The following PTPRR variants were observed in gnomAD, a reference collection of about 807,000 sequenced individuals.
PTPRR encodes the protein protein tyrosine phosphatase receptor type R, also known as receptor-type tyrosine-protein phosphatase R.
PTPRR carries 38 observed loss-of-function variants against 77.2 expected under a neutral mutation model. That is an observed-to-expected ratio of 0.49 (90% confidence interval 0.38 to 0.65). The LOEUF (loss-of-function observed/expected upper bound fraction) is 0.65, where lower values mean the gene tolerates loss of function less well. Among genes scored for constraint, PTPRR ranks in the 30% least tolerant of loss-of-function variants. The pLI is 0.00. For missense variants in PTPRR, 744 were observed against 799.2 expected, an observed-to-expected ratio of 0.93 and a Z score of 0.83; for synonymous variants, 299 against 283.1, an observed-to-expected ratio of 1.06 and a Z score of -0.57.
At chr12:70,861,061 A>C (rs1354544553) in intron 2 of PTPRR, among the ~76,000 whole-genome samples, 2 of 152,168 alleles carry the variant, frequency 1.3e-5, no homozygotes, top group East Asian at 3.9e-4. Flanking sequence ...CTAGAATTTA[A>C]TGTAGTGCTT....
chr12:70,775,310 G>C lies in PTPRR; in HGVS notation c.358-10532C>G, dbSNP rs574267784. Among the ~76,000 whole-genome samples, 8 of 152,172 alleles carry C rather than the reference G, an allele frequency of 5.3e-5. 1 individual carries two copies. In the South Asian group the frequency reaches 1.5e-3, roughly 28 times the overall value. ...CCCCACTACTGTTCCCCTCCACAAA[G>C]GAAATAATATTTTATGACAAGACTT... On this transcript the variant is annotated intron_variant, in intron 2 of 13. Transcript: ENST00000283228.
At chr12:70,679,598 AT>A (rs35076786) in intron 10 of PTPRR, among the ~76,000 whole-genome samples, 28 of 151,282 alleles carry the variant, frequency 1.9e-4, no homozygotes, top group African/African-American at 6.1e-4. Context: ...CATATTTACA[AT>A]TTTTTTTTGT....
chr12:70,877,822 AG>A (rs1331383074), intron 2 of PTPRR, among the ~76,000 whole-genome samples: 1 of 152,182 alleles, frequency 6.6e-6, no homozygotes, highest in East Asian at 1.9e-4. Context: ...ACAAAGCTGG[AG>A]GCATCACACT....
At chr12:70,737,525 T>TCTATCTATCTATCTATCTAG (rs1565674697) in intron 6 of PTPRR, among the ~76,000 whole-genome samples, 3 of 151,348 alleles carry the variant, frequency 2.0e-5, no homozygotes, top group African/African-American at 7.3e-5. Context: ...TATCTATCTA[T>TCTATCTATCTATCTATCTAG]CTATCTATCT....
At chr12:70,894,482 C>G (rs1404298558) in intron 1 of PTPRR, among the ~76,000 whole-genome samples, 1 of 151,588 alleles carries the variant, frequency 6.6e-6, no homozygotes, top group Non-Finnish European at 1.5e-5. Flanking sequence ...TTCTTAACCC[C>G]AAAGGAATCA....
intron 2 of PTPRR, chr12:70,788,783 G>A (rs1891373063): frequency 7.3e-7 from 1 of 1,367,126 alleles, no homozygotes; most frequent in African/African-American, 1.4e-5. Context: ...ATTACACCGA[G>A]GACCCTCTGC....
At chr12:70,735,555 G>C (rs1240020060) in intron 6 of PTPRR, among the ~76,000 whole-genome samples, 1 of 152,178 alleles carries the variant, frequency 6.6e-6, no homozygotes, top group African/African-American at 2.4e-5. Flanking sequence ...GGGAGCTACG[G>C]TTCAAGATGA....
At chr12:70,750,480 T>C (rs61932482) in intron 5 of PTPRR, among the ~76,000 whole-genome samples, 25,210 of 152,156 alleles carry the variant, frequency 0.17, 2,432 homozygotes, top group East Asian at 0.35. Context: ...CAAGTATCAC[T>C]GAGAAATGCA....
chr12:70,651,454 C>T (rs1886391229), intron 13 of PTPRR, among the ~76,000 whole-genome samples: 1 of 152,188 alleles, frequency 6.6e-6, no homozygotes, highest in Non-Finnish European at 1.5e-5. Context: ...TTAGCATCCT[C>T]CATAGATAGA....
chr12:70,812,962 T>G (rs1891836610), intron 2 of PTPRR, among the ~76,000 whole-genome samples: 1 of 152,228 alleles, frequency 6.6e-6, no homozygotes, highest in African/African-American at 2.4e-5. Context: ...AAATCAATTT[T>G]GAGTATCAAA....
intron 2 of PTPRR, among the ~76,000 whole-genome samples, chr12:70,767,047 C>A (rs557985533): frequency 6.6e-6 from 1 of 152,146 alleles, no homozygotes; most frequent in East Asian, 1.9e-4. Flanking sequence ...CCGGTACCAG[C>A]CACTGCAAAA....
chr12:70,786,529 A>C (rs950102190), intron 2 of PTPRR, among the ~76,000 whole-genome samples: 1 of 152,234 alleles, frequency 6.6e-6, no homozygotes, highest in Non-Finnish European at 1.5e-5. Flanking sequence ...CAATAGGAAT[A>C]GACTCTTTTG....
intron 2 of PTPRR, among the ~76,000 whole-genome samples, chr12:70,804,178 T>TGTGTGTGTG (rs1555176949): frequency 9.3e-5 from 14 of 150,856 alleles, no homozygotes; most frequent in South Asian, 2.1e-4. Context: ...TGTGTGTGTG[T>TGTGTGTGTG]TAAGGTTAAC....
chr12:70,825,504 TG>T (rs1351193391), intron 2 of PTPRR, among the ~76,000 whole-genome samples: 1 of 152,132 alleles, frequency 6.6e-6, no homozygotes, highest in Non-Finnish European at 1.5e-5. Context: ...CCACCCAAAA[TG>T]TGGATTTAGT....
chr12:70,817,690 C>T (rs1413757066), intron 2 of PTPRR, among the ~76,000 whole-genome samples: 1 of 152,086 alleles, frequency 6.6e-6, no homozygotes. Flanking sequence ...GAACACCAGG[C>T]TGTTGTTCAG....
At chr12:70,735,009 T>C (rs1889813023) in intron 6 of PTPRR, among the ~76,000 whole-genome samples, 1 of 152,138 alleles carries the variant, frequency 6.6e-6, no homozygotes, top group African/African-American at 2.4e-5. Flanking sequence ...TTTTCTTCAT[T>C]CCTGTGGGGT....
chr12:70,744,200 C>T (rs1374568147), intron 6 of PTPRR, among the ~76,000 whole-genome samples: 1 of 152,094 alleles, frequency 6.6e-6, no homozygotes, highest in Non-Finnish European at 1.5e-5. Flanking sequence ...AAAATGAGGT[C>T]CAGATGAGTG....
At chr12:70,661,490 T>C (rs1042170898) in intron 11 of PTPRR, among the ~76,000 whole-genome samples, 2 of 152,220 alleles carry the variant, frequency 1.3e-5, no homozygotes, top group African/African-American at 4.8e-5. Flanking sequence ...TATAAACATG[T>C]TAATCAATAG....
intron 2 of PTPRR, among the ~76,000 whole-genome samples, chr12:70,787,926 A>G (rs1891355938): frequency 6.6e-6 from 1 of 152,242 alleles, no homozygotes; most frequent in Non-Finnish European, 1.5e-5. Flanking sequence ...ATGACTTTGT[A>G]CCAACACTAG....
Sources: allele counts gnomAD v4.1 joint callset (sites outside exome capture counted in the v4.1 genomes callset), GRCh38; gene constraint gnomAD v4.1.1; transcripts MANE v1.5; gene names NCBI Gene and HGNC (gene_info 2026-07-23, HGNC 2026-07-21).